FOXP4: variants seen among roughly 807,000 people sequenced by gnomAD.
The protein encoded by FOXP4 is forkhead box P4, also known as forkhead box protein P4.
Under a neutral mutation model 82.6 loss-of-function variants are expected in FOXP4, and 25 were observed. That is an observed-to-expected ratio of 0.30 (90% CI 0.22 to 0.42). The LOEUF (loss-of-function observed/expected upper bound fraction) is 0.42, where lower values mean the gene tolerates loss of function less well. FOXP4 is among the 10% of genes least tolerant of loss of function. The pLI is 1.00. For synonymous variants in FOXP4, 415 were observed against 388.2 expected, an observed-to-expected ratio of 1.07 and a Z score of -0.81; for missense variants, 785 against 900.9, an observed-to-expected ratio of 0.87 and a Z score of 1.65.
At position 41,565,962 on chromosome 6, in the gene FOXP4, C is replaced by A. The variant is rs1182434860; in HGVS notation, c.202C>A (p.Gln68Lys). The A allele has an allele frequency of 1.4e-5, 23 of 1,612,334 alleles. No individual in the cohort carries two copies. The highest frequency in any genetic ancestry group is 1.8e-5 in the Non-Finnish European group (21 of 1,179,240). ...PAELLHFQQQ[Q>K]ALQVARQFLL... The stretch of plus-strand genomic sequence containing the variant: ...AGAGCTGCTGCACTTCCAGCAGCAA[C>A]AGGTAGGAACTGGTGCGCCTTGGGG... The change falls in exon 2 of 17, where the codon CAG becomes AAG. Residue 68 changes from glutamine to lysine, a missense_variant and splice_region_variant. Physicochemically the swap from Gln to Lys is moderately conservative, Grantham distance 53. Transcript: ENST00000307972.
intron 13 of FOXP4, among the ~76,000 whole-genome samples, chr6:41,594,373 A>C (rs1766699338): frequency 6.6e-6 from 1 of 152,168 alleles, no homozygotes; most frequent in Non-Finnish European, 1.5e-5. Context: ...CCTGTGGGTC[A>C]GTGGAGGTGG....
At chr6:41,581,352 C>T (rs1765790422) in intron 3 of FOXP4, among the ~76,000 whole-genome samples, 1 of 152,242 alleles carries the variant, frequency 6.6e-6, no homozygotes, top group South Asian at 2.1e-4. Context: ...GGCACTGTCC[C>T]TGTTCCTTCC....
chr6:41,595,100 C>A, intron 14 of FOXP4, 109 bp downstream of exon 14: 1 of 1,502,744 alleles, frequency 6.7e-7, no homozygotes, highest in Non-Finnish European at 9.0e-7. Flanking sequence ...TCCTTCCTGG[C>A]TGGGGGAAGG....
chr6:41,546,560 G>C lies in FOXP4; in HGVS notation c.-324G>C, dbSNP rs1300236955. 6.7e-6 allele frequency: 1 copy of C among 148,524 alleles called. No homozygotes were observed. The highest frequency in any genetic ancestry group is 1.5e-5 in the Non-Finnish European group (1 of 66,286). 9.2% of individuals were successfully genotyped at this position (148,524 alleles called of 1,614,324 possible). A position where few individuals can be genotyped will look rare whatever the true frequency, so the allele number is the denominator to read the frequency against. On this transcript the variant is annotated 5_prime_UTR_variant, in exon 1 of 17. Transcript: ENST00000307972. ...CGGGCCGGAACCAGGGCTGGGCCGG[G>C]GGCGGGGACGCCGGGGTCCGGGAGC... is the stretch of plus-strand genomic sequence containing the variant.
chr6:41,548,974 CT>C (rs1459497224), intron 1 of FOXP4, among the ~76,000 whole-genome samples: 1 of 152,008 alleles, frequency 6.6e-6, no homozygotes, highest in Non-Finnish European at 1.5e-5. Flanking sequence ...CGATCTGAAA[CT>C]CAAAAAACTG....
At chr6:41,571,455 A>C (rs958995134) in intron 2 of FOXP4, among the ~76,000 whole-genome samples, 28 of 152,304 alleles carry the variant, frequency 1.8e-4, no homozygotes, top group Middle Eastern at 3.4e-3. Context: ...TGAGGCCAGA[A>C]ACTAGTTCCT....
At chr6:41,547,729 C>T (rs1264770067) in intron 1 of FOXP4, among the ~76,000 whole-genome samples, 1 of 151,860 alleles carries the variant, frequency 6.6e-6, no homozygotes, top group Non-Finnish European at 1.5e-5. Context: ...AGGGCGGCCA[C>T]GGGGGCCCGG....
chr6:41,562,582 A>G (rs554547008), intron 1 of FOXP4, among the ~76,000 whole-genome samples: 3 of 152,250 alleles, frequency 2.0e-5, no homozygotes, highest in Admixed American at 6.5e-5. Context: ...CTGATCTGCA[A>G]CTTTATGATA....
rs185744955 is a variant in FOXP4 at position 41,597,061 on chromosome 6, G to A, written c.1659-115G>A. 1.2e-4 allele frequency: 131 copies of A among 1,129,316 alleles called. 1 individual carries two copies. The East Asian group carries it at 1.7e-3, about 15-fold the overall frequency. The allele number at this position is 1,129,316 out of a possible 1,614,324, so 70.0% of individuals were successfully genotyped here. ...AGCGGCTGATCCGCCCTGGCCTCCC[G>A]GAATAGGGAATGGGACCCATTCCCA... On this transcript the variant is annotated intron_variant, in intron 14 of 16. Coordinates refer to ENST00000307972, the MANE Select transcript of FOXP4 (RefSeq NM_001012426.2).
chr6:41,598,028 G>A, intron 16 of FOXP4, 78 bp downstream of exon 16: 3 of 1,275,948 alleles, frequency 2.4e-6, no homozygotes, highest in Non-Finnish European at 3.1e-6. Context: ...CCCACCCTGG[G>A]TGGGGTTCCC....
In FOXP4 at chr6:41,598,786, C is replaced by T. The variant is rs757278893; in HGVS notation, c.1896-3C>T. ...TGGTGCCCATGCCATACTTTTGCCTCAGCCACCAGGTGCAGGTGAAGGAGG... is the reference window on the plus strand; with the variant it reads ...TGGTGCCCATGCCATACTTTTGCCTTAGCCACCAGGTGCAGGTGAAGGAGG... On this transcript the variant is annotated splice_polypyrimidine_tract_variant and splice_region_variant and intron_variant, in intron 16 of 16. Coordinates refer to ENST00000307972, the MANE Select transcript of FOXP4 (RefSeq NM_001012426.2). The T allele has an allele frequency of 6.4e-7, 1 of 1,556,226 alleles. No individual in the cohort carries two copies. Among genetic ancestry groups the T allele is most frequent in the South Asian group, 1.2e-5 (1 of 84,450 alleles).
chr6:41,587,690 TG>T, intron 7 of FOXP4, 102 bp from the exon 8 acceptor site: 3 of 933,646 alleles, frequency 3.2e-6, no homozygotes, highest in Non-Finnish European at 3.3e-6. Context: ...AAACCTGTAT[TG>T]GGGCAGAAAT....
chr6:41,587,447 AC>A lies in FOXP4; in HGVS notation c.814del (p.Leu272SerfsTer95). Reference sequence around the variant, plus strand: ...CGTTTGCCGCTCCCCCCAAGGTCTCACCCCCCCTCTCCCACCATACCCTGCC... The same window carrying A: ...CGTTTGCCGCTCCCCCCAAGGTCTCACCCCCCTCTCCCACCATACCCTGCC... ...TSFAAPPKVSPPLSHHTLPNG... is the reference protein window; with the variant it reads ...TSFAAPPKVSXPLSHHTLPNG... On this transcript the variant is annotated frameshift_variant, in exon 7 of 17. Coordinates refer to ENST00000307972, the MANE Select transcript of FOXP4 (RefSeq NM_001012426.2). LOFTEE classifies it high-confidence loss of function. 13 of 1,549,450 alleles carry A rather than the reference AC, an allele frequency of 8.4e-6. No individual in the cohort carries two copies. The highest frequency in any genetic ancestry group is 2.3e-5 in the East Asian group (1 of 43,934).
chr6:41,557,553 T>C (rs1764343387), intron 1 of FOXP4, among the ~76,000 whole-genome samples: 1 of 152,210 alleles, frequency 6.6e-6, no homozygotes, highest in Admixed American at 6.5e-5. Context: ...TTCAAGCAAC[T>C]GTGTGACCAT....
chr6:41,573,487 G>T (rs1440776940), intron 2 of FOXP4, among the ~76,000 whole-genome samples: 1 of 152,108 alleles, frequency 6.6e-6, no homozygotes, highest in Non-Finnish European at 1.5e-5. Flanking sequence ...GGGGATGGGG[G>T]GAGGAGAGTT....
intron 15 of FOXP4, 46 bp from the exon 16 acceptor site, chr6:41,597,735 C>G: frequency 1.9e-6 from 3 of 1,584,434 alleles, no homozygotes; most frequent in Non-Finnish European, 2.6e-6. Context: ...TGAGTGTGCC[C>G]CATCCTGTGG....
At chr6:41,566,875 C>A (rs539360901) in intron 2 of FOXP4, among the ~76,000 whole-genome samples, 1 of 152,174 alleles carries the variant, frequency 6.6e-6, no homozygotes, top group Non-Finnish European at 1.5e-5. Flanking sequence ...CTCAGTAGCC[C>A]ACTCCTGCCT....
intron 1 of FOXP4, among the ~76,000 whole-genome samples, chr6:41,548,957 G>A (rs1311209564): frequency 6.6e-6 from 1 of 151,624 alleles, no homozygotes; most frequent in East Asian, 1.9e-4. Context: ...CTCCCATGGT[G>A]CCCTTTCGAT....
intron 12 of FOXP4, among the ~76,000 whole-genome samples, 154 bp downstream of exon 12, chr6:41,590,501 G>T (rs1458013988): frequency 2.6e-5 from 4 of 152,134 alleles, no homozygotes; most frequent in Non-Finnish European, 5.9e-5. Context: ...GCTGTGCGGG[G>T]CTCTCCTGCA....
Sources: gnomAD v4.1 joint callset for allele counts (sites outside exome capture counted in the v4.1 genomes callset) on GRCh38, gnomAD v4.1.1 for gene constraint, MANE v1.5 for transcripts, NCBI Gene and HGNC (gene_info 2026-07-23, HGNC 2026-07-21) for gene names.